The following NCOA2 variants were observed in gnomAD, a reference collection of about 807,000 sequenced individuals.
NCOA2 encodes the protein nuclear receptor coactivator 2.
Under a neutral mutation model 145.1 loss-of-function variants are expected in NCOA2, and 21 were observed. The ratio of observed to expected loss-of-function variants is 0.14; its 90% CI spans 0.10 to 0.21. The LOEUF (loss-of-function observed/expected upper bound fraction) is 0.21. NCOA2 is among the 10% of genes least tolerant of loss of function. The probability of loss-of-function intolerance (pLI) is 1.00; values close to 1 mark genes in which losing one functional copy is unlikely to be tolerated. For missense variants in NCOA2, 1,472 were observed against 1,837.6 expected, an observed-to-expected ratio of 0.80 and a Z score of 3.64; for synonymous variants, 619 against 637.5, an observed-to-expected ratio of 0.97 and a Z score of 0.44.
At chr8:70,399,074 C>T (rs1813969856) in intron 1 of NCOA2, among the ~76,000 whole-genome samples, 1 of 152,190 alleles carries the variant, frequency 6.6e-6, no homozygotes, top group South Asian at 2.1e-4. Flanking sequence ...TCGTGATCAC[C>T]TCTATCTAGA....
intron 19 of NCOA2, chr8:70,126,473 A>G (rs1183930711): frequency 2.2e-5 from 6 of 270,520 alleles, no homozygotes; most frequent in Non-Finnish European, 3.5e-5. Flanking sequence ...ATATATAAAC[A>G]TATATGAACT....
intron 2 of NCOA2, among the ~76,000 whole-genome samples, chr8:70,246,867 G>T (rs1822675183): frequency 6.6e-6 from 1 of 151,842 alleles, no homozygotes; most frequent in Non-Finnish European, 1.5e-5. Context: ...GATCAAGACA[G>T]AGAGTTTTCA....
intron 4 of NCOA2, among the ~76,000 whole-genome samples, chr8:70,201,944 C>T (rs771325276): frequency 6.6e-6 from 1 of 152,124 alleles, no homozygotes; most frequent in Non-Finnish European, 1.5e-5. Context: ...CTCCCCGCTC[C>T]CATTTTCTTG....
the NCOA2 span, among the ~76,000 whole-genome samples, chr8:70,440,227 A>C: frequency 6.6e-6 from 1 of 152,126 alleles, no homozygotes; most frequent in Non-Finnish European, 1.5e-5. Context: ...CAGTGAGCCA[A>C]GATTGCACCA....
the NCOA2 span, among the ~76,000 whole-genome samples, chr8:70,417,794 GA>G: frequency 6.6e-6 from 1 of 152,148 alleles, no homozygotes; most frequent in Non-Finnish European, 1.5e-5. Flanking sequence ...CATCCTAATA[GA>G]TCTTCTGCAT....
At chr8:70,159,244 T>TATATATATATATATATATGTATATATA in intron 10 of NCOA2, among the ~76,000 whole-genome samples, 6,546 of 68,656 alleles carry the variant, frequency 0.095, 1,229 homozygotes, top group Non-Finnish European at 0.12. Flanking sequence ...ATATATATAT[T>TATATATATATATATATATGTATATATA]TTTTTTTTTT....
At chr8:70,309,611 G>A (rs764011407) in intron 1 of NCOA2, among the ~76,000 whole-genome samples, 27 of 152,146 alleles carry the variant, frequency 1.8e-4, no homozygotes, top group Non-Finnish European at 4.0e-4. Context: ...TATCATAGTG[G>A]TATCTTTCTA....
chr8:70,344,571 G>T (rs1404692244), intron 1 of NCOA2, among the ~76,000 whole-genome samples: 1 of 152,164 alleles, frequency 6.6e-6, no homozygotes, highest in Non-Finnish European at 1.5e-5. Flanking sequence ...AGTATTAAAT[G>T]GGCCCTCTTA....
intron 1 of NCOA2, among the ~76,000 whole-genome samples, chr8:70,386,527 A>C (rs929363533): frequency 6.6e-6 from 1 of 152,190 alleles, no homozygotes; most frequent in African/African-American, 2.4e-5. Flanking sequence ...CAGTCCAAAA[A>C]ATACATGTCA....
At chr8:70,408,993 C>A in the NCOA2 span, among the ~76,000 whole-genome samples, 1 of 151,892 alleles carries the variant, frequency 6.6e-6, no homozygotes, top group African/African-American at 2.4e-5. Flanking sequence ...AATCCCTGCA[C>A]TTTGGGAGGC....
intron 1 of NCOA2, among the ~76,000 whole-genome samples, chr8:70,347,484 T>TAA (rs1029525985): frequency 1.5e-5 from 2 of 137,320 alleles, no homozygotes; most frequent in East Asian, 2.1e-4. Context: ...GACTCCATCT[T>TAA]AAAAAAAAAA....
chr8:70,262,424 C>T (rs4737305), intron 2 of NCOA2, among the ~76,000 whole-genome samples: 8,321 of 152,254 alleles, frequency 0.055, 300 homozygotes, highest in East Asian at 0.16. Flanking sequence ...AACTTACACA[C>T]CTTAAAGTAC....
At position 70,345,274 on chromosome 8, in the gene NCOA2, GT is replaced by G. The variant is rs1808509701; in HGVS notation, c.-76-48475del. Among the ~76,000 whole-genome samples the G allele has an allele frequency of 5.3e-5, 8 of 152,270 alleles. No individual in the cohort carries two copies. The South Asian group carries it at 1.7e-3, about 32-fold the overall frequency. On this transcript the variant is annotated intron_variant, in intron 1 of 22. Transcript: ENST00000452400. ...AAACATATCATGCAGGATTCATAAA[GT>G]TTTTCTCTGCTCAGAGTTGTCTTCA...
rs542253274 is a variant in NCOA2, at chr8:70,320,053, T to C, written c.-76-23253A>G. On this transcript the variant is annotated intron_variant, in intron 1 of 22. Coordinates refer to ENST00000452400, the MANE Select transcript of NCOA2 (RefSeq NM_006540.4). ...ATTAGGTGAATGTGAATAGTATAAATGTTTATAAATTCACTTTTCAAAATT... is the reference window on the plus strand; with the variant it reads ...ATTAGGTGAATGTGAATAGTATAAACGTTTATAAATTCACTTTTCAAAATT... Among the ~76,000 whole-genome samples the C allele has an allele frequency of 2.0e-5, 3 of 152,330 alleles. No individual in the cohort carries two copies. The South Asian group carries it at 6.2e-4, about 32-fold the overall frequency.
Position 70,111,109 on chromosome 8 carries a change from G to A in NCOA2, c.*2523C>T, listed in dbSNP as rs949674250. 4.6e-6 allele frequency: 1 copy of A among 219,746 alleles called. No individual in the cohort carries two copies. Among genetic ancestry groups the A allele is most frequent in the African/African-American group, 2.2e-5 (1 of 44,608 alleles). The allele number at this position is 219,746 out of a possible 1,614,324, so 13.6% of individuals were successfully genotyped here. On this transcript the variant is annotated 3_prime_UTR_variant, in exon 23 of 23. Coordinates refer to ENST00000452400, the MANE Select transcript of NCOA2 (RefSeq NM_006540.4). Reference sequence around the variant, plus strand: ...GTAAAACAAAATCCATTACCTGATTGAAACCGTAAGAGAATTTATCATCTC... The same window carrying A: ...GTAAAACAAAATCCATTACCTGATTAAAACCGTAAGAGAATTTATCATCTC...
the NCOA2 span, among the ~76,000 whole-genome samples, chr8:70,454,377 G>T: frequency 6.6e-6 from 1 of 152,168 alleles, no homozygotes; most frequent in African/African-American, 2.4e-5. Flanking sequence ...ATTGTGCAAA[G>T]AACGGAACTG....
intron 1 of NCOA2, among the ~76,000 whole-genome samples, chr8:70,314,469 T>C (rs1190879711): frequency 1.3e-5 from 2 of 152,050 alleles, no homozygotes; most frequent in African/African-American, 2.4e-5. Flanking sequence ...ATTAAAAAAA[T>C]TGAACTACCA....
chr8:70,451,231 A>ATATATATATATATATATAT, the NCOA2 span, among the ~76,000 whole-genome samples: 5 of 99,182 alleles, frequency 5.0e-5, no homozygotes, highest in African/African-American at 2.0e-4. Flanking sequence ...AAAAAAAAAA[A>ATATATATATATATATATAT]AAAAAAATAT....
At position 70,111,276 on chromosome 8, in the gene NCOA2, G is replaced by T. The variant is rs1028799315; in HGVS notation, c.*2356C>A. On this transcript the variant is annotated 3_prime_UTR_variant, in exon 23 of 23. Coordinates refer to ENST00000452400, the MANE Select transcript of NCOA2 (RefSeq NM_006540.4). ...AAGAGATAGGTAGATAGTTTTGGACGGTGTTGTAGTGAAAAGGGACTTGAA... is the reference window on the plus strand; with the variant it reads ...AAGAGATAGGTAGATAGTTTTGGACTGTGTTGTAGTGAAAAGGGACTTGAA... 1.3e-5 allele frequency: 3 copies of T among 226,308 alleles called. No individual in the cohort carries two copies. Among genetic ancestry groups the T allele is most frequent in the Non-Finnish European group, 2.6e-5 (3 of 113,864 alleles). The allele number at this position is 226,308 out of a possible 1,614,324, so 14.0% of individuals were successfully genotyped here.
Sources: gnomAD v4.1 joint callset for allele counts (sites outside exome capture counted in the v4.1 genomes callset) on GRCh38, gnomAD v4.1.1 for gene constraint, MANE v1.5 for transcripts, NCBI Gene and HGNC (gene_info 2026-07-23, HGNC 2026-07-21) for gene names.